The following FRY variants were observed in gnomAD, a reference collection of about 807,000 sequenced individuals.
FRY encodes protein furry homolog.
A neutral mutation model predicts 348.4 loss-of-function variants in FRY; 128 were observed. The observed-to-expected ratio is 0.37, with a 90% CI of 0.32 to 0.43. The LOEUF is 0.43. FRY is among the 20% of genes least tolerant of loss of function. FRY has a pLI of 1.00. For synonymous variants in FRY, 1,370 were observed against 1,374.7 expected, an observed-to-expected ratio of 1.00 and a Z score of 0.08; for missense variants, 2,736 against 3,695.2, an observed-to-expected ratio of 0.74 and a Z score of 6.73.
chr13:32,149,217 CTA>C (rs35267646), intron 13 of FRY, among the ~76,000 whole-genome samples: 40 of 147,304 alleles, frequency 2.7e-4, no homozygotes, highest in East Asian at 3.9e-4. Context: ...ACCTGTTATA[CTA>C]TATATATATA....
chr13:32,270,822 C>G (rs1888164969), intron 55 of FRY, among the ~76,000 whole-genome samples: 1 of 152,236 alleles, frequency 6.6e-6, no homozygotes, highest in Non-Finnish European at 1.5e-5. Flanking sequence ...TGGTGTCTGT[C>G]TCCCGTGAAG....
intron 1 of FRY, among the ~76,000 whole-genome samples, chr13:32,064,515 T>C (rs965133303): frequency 2.0e-5 from 3 of 152,136 alleles, no homozygotes; most frequent in Non-Finnish European, 4.4e-5. Flanking sequence ...CTGTCAGCTG[T>C]GTGAAGCTAC....
intron 47 of FRY, among the ~76,000 whole-genome samples, chr13:32,244,801 G>C (rs1016257643): frequency 1.3e-5 from 2 of 152,134 alleles, no homozygotes; most frequent in Non-Finnish European, 2.9e-5. Flanking sequence ...ATAATAAACA[G>C]TCTTTATGTA....
intron 2 of FRY, among the ~76,000 whole-genome samples, chr13:32,093,597 A>G (rs1160543543): frequency 6.6e-6 from 1 of 152,212 alleles, no homozygotes; most frequent in African/African-American, 2.4e-5. Context: ...TGTTTAGTCA[A>G]GACTATTTCA....
rs574923258 is a variant in FRY at position 32,059,173 on chromosome 13, C to T, written c.71-19661C>T. Among the ~76,000 whole-genome samples the T allele has an allele frequency of 4.0e-5, 6 of 149,318 alleles. No individual in the cohort carries two copies. The South Asian group carries it at 1.3e-3, about 32-fold the overall frequency. The stretch of plus-strand genomic sequence containing the variant: ...ATAAAAAGTAGGAAAGAAGAGGATA[C>T]TTTTTTTTTTCATATTCCTACAAGG... On this transcript the variant is annotated intron_variant, in intron 1 of 60. Coordinates refer to ENST00000542859, the MANE Select transcript of FRY (RefSeq NM_023037.3).
At chr13:32,111,526 G>A (rs1877962417) in intron 3 of FRY, among the ~76,000 whole-genome samples, 1 of 152,004 alleles carries the variant, frequency 6.6e-6, no homozygotes, top group African/African-American at 2.4e-5. Context: ...GAGAAGAAGA[G>A]AGTTGGCAGT....
intron 1 of FRY, among the ~76,000 whole-genome samples, chr13:32,078,589 A>G (rs866556050): frequency 6.6e-6 from 1 of 152,242 alleles, no homozygotes; most frequent in South Asian, 2.1e-4. Flanking sequence ...TGAGCTTCCA[A>G]TATAATTTAC....
intron 2 of FRY, chr13:32,085,781 G>A: frequency 2.1e-6 from 1 of 468,836 alleles, no homozygotes; most frequent in South Asian, 1.6e-5. Context: ...GCTTGAGCAG[G>A]GGACTTGACT....
chr13:32,179,106 CAAATT>C (rs1421470982), intron 22 of FRY, 73 bp downstream of exon 22: 1 of 1,137,748 alleles, frequency 8.8e-7, no homozygotes, highest in African/African-American at 1.5e-5. Context: ...GTTCACAGTG[CAAATT>C]GCACTGTGCC....
intron 48 of FRY, 65 bp from the exon 49 acceptor site, chr13:32,249,461 G>A: frequency 1.9e-6 from 3 of 1,559,918 alleles, no homozygotes; most frequent in East Asian, 4.5e-5. Flanking sequence ...TGCTTCTGGG[G>A]AGAAGGGTTT....
chr13:32,103,574 T>C (rs951794841), intron 3 of FRY, among the ~76,000 whole-genome samples: 3 of 151,978 alleles, frequency 2.0e-5, no homozygotes, highest in Non-Finnish European at 4.4e-5. Flanking sequence ...AGTTAATGGG[T>C]GCAGCACACC....
intron 58 of FRY, among the ~76,000 whole-genome samples, chr13:32,288,718 A>G (rs1237009965): frequency 6.6e-6 from 1 of 152,246 alleles, no homozygotes; most frequent in Non-Finnish European, 1.5e-5. Context: ...TTTAGTTTAA[A>G]CCACATATTT....
chr13:32,049,365 A>T (rs1459212985), intron 1 of FRY, among the ~76,000 whole-genome samples: 1 of 152,224 alleles, frequency 6.6e-6, no homozygotes, highest in African/African-American at 2.4e-5. Flanking sequence ...GTTGGGTCAG[A>T]TGACAGGGAG....
Position 32,275,088 on chromosome 13 carries a change from A to G in FRY, c.8286+97A>G, listed in dbSNP as rs905952254. The G allele has an allele frequency of 1.5e-5, 18 of 1,167,040 alleles. No individual in the cohort carries two copies. In the African/African-American group the frequency reaches 2.7e-4, roughly 18 times the overall value. The allele number at this position is 1,167,040 out of a possible 1,614,324, so 72.3% of individuals were successfully genotyped here. ...GTTTGCGCTGTGGTTTGTTTTAAAG[A>G]TACCTTCTGGCCGGGTGCGGTGGCT... On this transcript the variant is annotated intron_variant, in intron 56 of 60. Transcript: ENST00000542859.
chr13:32,187,443 C>A, intron 27 of FRY, 103 bp from the exon 28 acceptor site: 1 of 747,700 alleles, frequency 1.3e-6, no homozygotes, highest in East Asian at 2.5e-5. Flanking sequence ...TTAGAGGGCC[C>A]TTATCATTTA....
intron 11 of FRY, among the ~76,000 whole-genome samples, chr13:32,137,410 T>G (rs1879788850): frequency 1.3e-5 from 2 of 152,108 alleles, no homozygotes; most frequent in African/African-American, 4.8e-5. Context: ...TGAGCAAAAT[T>G]CTAAATATTT....
In FRY at chr13:32,093,823, C is replaced by T. The variant is rs138562950; in HGVS notation, c.271-8140C>T. ...TAAGAACTTTCAGGGACCCATCACC[C>T]CAAAGTTATGCTTTTTCAGAATGAT... On this transcript the variant is annotated intron_variant, in intron 2 of 60. Transcript: ENST00000542859. Among the ~76,000 whole-genome samples, 4 of 152,222 alleles carry T rather than the reference C, an allele frequency of 2.6e-5. No individual in the cohort carries two copies. The East Asian group carries it at 7.7e-4, about 29-fold the overall frequency.
intron 4 of FRY, among the ~76,000 whole-genome samples, chr13:32,119,212 G>A (rs978962540): frequency 2.6e-5 from 4 of 152,116 alleles, no homozygotes; most frequent in Non-Finnish European, 5.9e-5. Flanking sequence ...AGCTCTCTAG[G>A]GTATGGTGTA....
Position 32,130,189 on chromosome 13 carries a change from C to T in FRY, c.717-1483C>T, listed in dbSNP as rs1879263981. Among the ~76,000 whole-genome samples, 3 of 151,612 alleles carry T rather than the reference C, an allele frequency of 2.0e-5. No individual in the cohort carries two copies. The South Asian group carries it at 6.3e-4, about 32-fold the overall frequency. On this transcript the variant is annotated intron_variant, in intron 7 of 60. Transcript: ENST00000542859. ...GATTTTCCAGCCTCAGCCTCACGCACACCACCACGCCCGGCTAATTTTTGT... is the reference window on the plus strand; with the variant it reads ...GATTTTCCAGCCTCAGCCTCACGCATACCACCACGCCCGGCTAATTTTTGT...
Sources: gnomAD v4.1 joint callset for allele counts (sites outside exome capture counted in the v4.1 genomes callset) on GRCh38, gnomAD v4.1.1 for gene constraint, MANE v1.5 for transcripts, NCBI Gene and HGNC (gene_info 2026-07-23, HGNC 2026-07-21) for gene names.